The following DCC variants were observed in gnomAD, a reference collection of about 807,000 sequenced individuals.
DCC encodes netrin receptor DCC.
DCC carries 58 observed loss-of-function variants against 172.5 expected under a neutral mutation model. The ratio of observed to expected loss-of-function variants is 0.34; its 90% CI spans 0.27 to 0.42. The LOEUF (loss-of-function observed/expected upper bound fraction) is 0.42, where lower values mean the gene tolerates loss of function less well. Ranked by LOEUF, DCC falls within the 10% of genes least tolerant of loss-of-function variation. The pLI, the probability that DCC is intolerant of heterozygous loss-of-function variation, is 1.00. For synonymous variants in DCC, 709 were observed against 644.5 expected (o/e 1.10, Z -1.52); for missense variants, 1,740 against 1,791.0 (o/e 0.97, Z 0.51).
intron 2 of DCC, among the ~76,000 whole-genome samples, chr18:52,840,549 T>TA (rs1374976906): frequency 6.6e-6 from 1 of 152,168 alleles, no homozygotes; most frequent in South Asian, 2.1e-4. Context: ...GCTGTCAAAA[T>TA]ACAGATGTGT....
chr18:52,746,058 A>G (rs2036901106), intron 1 of DCC, among the ~76,000 whole-genome samples: 1 of 152,212 alleles, frequency 6.6e-6, no homozygotes, highest in African/African-American at 2.4e-5. Flanking sequence ...CCAGGGCTAA[A>G]GACCAGAGTT....
chr18:53,059,151 C>T (rs1475790919), intron 5 of DCC, among the ~76,000 whole-genome samples: 1 of 152,050 alleles, frequency 6.6e-6, no homozygotes, highest in Non-Finnish European at 1.5e-5. Flanking sequence ...TGAGAACTCG[C>T]TCACTATCAT....
intron 2 of DCC, among the ~76,000 whole-genome samples, chr18:52,859,195 A>C (rs2039097414): frequency 6.6e-6 from 1 of 152,136 alleles, no homozygotes; most frequent in African/African-American, 2.4e-5. Context: ...GGCTGTCCCT[A>C]AGATCACAAA....
chr18:53,040,096 G>A (rs866211733), intron 5 of DCC, among the ~76,000 whole-genome samples: 4 of 151,860 alleles, frequency 2.6e-5, no homozygotes, highest in Non-Finnish European at 4.4e-5. Flanking sequence ...TAAATGCAGG[G>A]TGTGAAAAAA....
intron 9 of DCC, among the ~76,000 whole-genome samples, chr18:53,197,419 GTTTTT>G (rs11427253): frequency 4.2e-5 from 5 of 119,524 alleles, no homozygotes; most frequent in African/African-American, 6.3e-5. Flanking sequence ...TTTTATTTTA[GTTTTT>G]TTTTTTTTTT....
At chr18:52,715,705 A>G (rs1433327761) in intron 1 of DCC, among the ~76,000 whole-genome samples, 2 of 152,146 alleles carry the variant, frequency 1.3e-5, no homozygotes, top group African/African-American at 4.8e-5. Context: ...GAATTGGGTT[A>G]GGCCAGTATG....
At chr18:53,069,086 G>C (rs1379719721) in intron 7 of DCC, among the ~76,000 whole-genome samples, 1 of 152,076 alleles carries the variant, frequency 6.6e-6, no homozygotes, top group East Asian at 1.9e-4. Flanking sequence ...GTTTTGAAGG[G>C]AAGTGTGAGA....
At chr18:52,713,279 G>C (rs2036325881) in intron 1 of DCC, among the ~76,000 whole-genome samples, 1 of 152,222 alleles carries the variant, frequency 6.6e-6, no homozygotes, top group African/African-American at 2.4e-5. Context: ...GACTCACAAT[G>C]CAGACTGTGC....
At chr18:52,861,006 C>T in intron 2 of DCC, among the ~76,000 whole-genome samples, 1 of 94,718 alleles carries the variant, frequency 1.1e-5, no homozygotes, top group Admixed American at 1.1e-4. Flanking sequence ...AATCTGAATC[C>T]ATTTCAAAAA....
At chr18:52,581,205 A>ATCTATCTATCTATCTATCTATCTG (rs763256543) in intron 1 of DCC, among the ~76,000 whole-genome samples, 22 of 152,128 alleles carry the variant, frequency 1.4e-4, no homozygotes, top group Non-Finnish European at 3.1e-4. Flanking sequence ...CTATCTATCT[A>ATCTATCTATCTATCTATCTATCTG]TCTAAATTTG....
At chr18:53,068,430 C>G (rs67336507) in intron 7 of DCC, among the ~76,000 whole-genome samples, 19,104 of 128,846 alleles carry the variant, frequency 0.15, 1,413 homozygotes, top group Non-Finnish European at 0.16. Flanking sequence ...ACCCCACAAA[C>G]TGTACCATAT....
At chr18:52,594,271 T>G (rs1046453300) in intron 1 of DCC, among the ~76,000 whole-genome samples, 8 of 152,228 alleles carry the variant, frequency 5.3e-5, no homozygotes, top group Non-Finnish European at 2.9e-5. Context: ...ATGTTCTAGA[T>G]TTATTCCATC....
intron 25 of DCC, among the ~76,000 whole-genome samples, chr18:53,468,818 T>G (rs1047516529): frequency 2.0e-5 from 3 of 152,168 alleles, no homozygotes; most frequent in Non-Finnish European, 4.4e-5. Flanking sequence ...CCTCCCACAT[T>G]CACTGAAGAT....
intron 2 of DCC, among the ~76,000 whole-genome samples, chr18:52,783,169 C>G (rs930743774): frequency 5.9e-5 from 9 of 151,898 alleles, no homozygotes; most frequent in African/African-American, 9.7e-5. Flanking sequence ...ACAAGAAATT[C>G]AATTTATATA....
chr18:52,718,652 TAG>T (rs1410045224), intron 1 of DCC, among the ~76,000 whole-genome samples: 2 of 152,160 alleles, frequency 1.3e-5, no homozygotes, highest in Non-Finnish European at 2.9e-5. Flanking sequence ...GAGAATAATC[TAG>T]AAGGGATGCT....
intron 1 of DCC, among the ~76,000 whole-genome samples, chr18:52,666,219 A>T (rs1352655028): frequency 6.6e-6 from 1 of 152,138 alleles, no homozygotes; most frequent in East Asian, 1.9e-4. Context: ...GCTTGAACCC[A>T]GGAGGCGGAG....
chr18:53,428,676 A>G lies in DCC; in HGVS notation c.3164-6468A>G, dbSNP rs1383555167. Reference sequence around the variant, plus strand: ...ATATATAATGTATATTTTATATAATATATATTTTTATATATAATGTATATT... The same window carrying G: ...ATATATAATGTATATTTTATATAATGTATATTTTTATATATAATGTATATT... On this transcript the variant is annotated intron_variant, in intron 21 of 28. Transcript: ENST00000442544. 3.2e-4 allele frequency among the ~76,000 whole-genome samples: 20 copies of G among 62,614 alleles called. 3 individuals carry two copies. The South Asian group carries it at 0.01, about 32-fold the overall frequency. The allele number at this position is 62,614 out of a possible 152,430, so 41.1% of individuals were successfully genotyped here. A position where few individuals can be genotyped will look rare whatever the true frequency, so the allele number is the denominator to read the frequency against.
chr18:52,988,839 C>T (rs1426322517), intron 5 of DCC, among the ~76,000 whole-genome samples: 1 of 151,974 alleles, frequency 6.6e-6, no homozygotes, highest in African/African-American at 2.4e-5. Context: ...CTTATACATA[C>T]TAAATATTGC....
intron 1 of DCC, among the ~76,000 whole-genome samples, chr18:52,487,444 T>G (rs1199622897): frequency 6.6e-6 from 1 of 152,118 alleles, no homozygotes; most frequent in Non-Finnish European, 1.5e-5. Flanking sequence ...TTTGCCTCCC[T>G]GGGATGCTGT....
Sources: gnomAD v4.1 joint callset for allele counts (sites outside exome capture counted in the v4.1 genomes callset) on GRCh38, gnomAD v4.1.1 for gene constraint, MANE v1.5 for transcripts, NCBI Gene and HGNC (gene_info 2026-07-23, HGNC 2026-07-21) for gene names.